LRRC4C: variants seen among roughly 807,000 people sequenced by gnomAD.
The protein encoded by LRRC4C is leucine rich repeat containing 4C, also known as leucine-rich repeat-containing protein 4C.
LRRC4C carries 5 observed loss-of-function variants against 33.6 expected under a neutral mutation model. That is an observed-to-expected ratio of 0.15 (90% CI 0.08 to 0.31). The LOEUF is 0.31. Ranked by LOEUF, LRRC4C falls within the 10% of genes least tolerant of loss-of-function variation. The probability of loss-of-function intolerance (pLI) is 1.00; values close to 1 mark genes in which losing one functional copy is unlikely to be tolerated. For missense variants in LRRC4C, 560 were observed against 796.7 expected (o/e 0.70, Z 3.58); for synonymous variants, 329 against 302.0 (o/e 1.09, Z -0.93).
chr11:40,831,107 A>C (rs1262042211), intron 2 of LRRC4C, among the ~76,000 whole-genome samples: 6 of 152,158 alleles, frequency 3.9e-5, no homozygotes, highest in African/African-American at 1.4e-4. Flanking sequence ...GAAGCAAAAG[A>C]GGGGCATAAT....
chr11:40,788,559 C>A (rs945832024), intron 2 of LRRC4C, among the ~76,000 whole-genome samples: 1 of 152,174 alleles, frequency 6.6e-6, no homozygotes, highest in African/African-American at 2.4e-5. Flanking sequence ...CTGTTTCTGG[C>A]AATTGAATAA....
intron 2 of LRRC4C, among the ~76,000 whole-genome samples, chr11:40,923,734 A>G (rs552312942): frequency 6.6e-6 from 1 of 152,178 alleles, no homozygotes; most frequent in South Asian, 2.1e-4. Flanking sequence ...TGTAATAGAA[A>G]AATCTGAGAA....
chr11:41,045,104 T>C (rs1175058287), intron 1 of LRRC4C, among the ~76,000 whole-genome samples: 1 of 152,150 alleles, frequency 6.6e-6, no homozygotes, highest in Non-Finnish European at 1.5e-5. Context: ...GGTTGCTGTT[T>C]ACTGGCCAGG....
intron 1 of LRRC4C, among the ~76,000 whole-genome samples, chr11:41,128,015 C>A (rs1942831296): frequency 6.6e-6 from 1 of 152,064 alleles, no homozygotes; most frequent in African/African-American, 2.4e-5. Flanking sequence ...CTCTTTAATT[C>A]TTCTATCAAA....
intron 1 of LRRC4C, among the ~76,000 whole-genome samples, chr11:41,341,502 T>C (rs1291247416): frequency 6.6e-6 from 1 of 152,152 alleles, no homozygotes; most frequent in Non-Finnish European, 1.5e-5. Context: ...ATAAGAACCA[T>C]GCCTGCTTTT....
intron 2 of LRRC4C, among the ~76,000 whole-genome samples, chr11:40,925,419 G>C (rs1957372730): frequency 6.6e-6 from 1 of 152,120 alleles, no homozygotes. Flanking sequence ...AGTGGTCCAG[G>C]GAGTATCTGC....
chr11:40,137,645 G>A (rs979734777), intron 6 of LRRC4C, among the ~76,000 whole-genome samples: 1 of 152,084 alleles, frequency 6.6e-6, no homozygotes, highest in Non-Finnish European at 1.5e-5. Context: ...TCCAAATTAA[G>A]AACAATGGAA....
intron 1 of LRRC4C, among the ~76,000 whole-genome samples, chr11:41,000,894 T>C (rs1292139983): frequency 6.6e-6 from 1 of 152,166 alleles, no homozygotes; most frequent in East Asian, 1.9e-4. Context: ...TATTTTGGAA[T>C]TTTGAAAAAA....
intron 1 of LRRC4C, among the ~76,000 whole-genome samples, chr11:41,362,753 C>T (rs568232413): frequency 6.6e-6 from 1 of 152,128 alleles, no homozygotes; most frequent in South Asian, 2.1e-4. Context: ...AAGTCAGTGT[C>T]CTTGTTTTAT....
At chr11:40,487,140 A>G (rs1218290762) in intron 3 of LRRC4C, among the ~76,000 whole-genome samples, 1 of 152,098 alleles carries the variant, frequency 6.6e-6, no homozygotes, top group Non-Finnish European at 1.5e-5. Flanking sequence ...GTGAACTGAC[A>G]TGCGAAGTTG....
At chr11:41,455,789 T>A (rs189997076) in intron 1 of LRRC4C, among the ~76,000 whole-genome samples, 96 of 152,276 alleles carry the variant, frequency 6.3e-4, no homozygotes, top group African/African-American at 2.3e-3. Flanking sequence ...TTCCAAATTA[T>A]ATAGGAAGAA....
At chr11:40,779,985 A>C (rs1459074999) in intron 2 of LRRC4C, among the ~76,000 whole-genome samples, 1 of 152,194 alleles carries the variant, frequency 6.6e-6, no homozygotes, top group Admixed American at 6.5e-5. Context: ...TATAGGCCTA[A>C]AAATTGGACA....
At chr11:40,773,812 GT>G (rs138888228) in intron 2 of LRRC4C, among the ~76,000 whole-genome samples, 1 of 151,624 alleles carries the variant, frequency 6.6e-6, no homozygotes, top group Non-Finnish European at 1.5e-5. Context: ...TGTACTACAG[GT>G]TTTTTCAATT....
chr11:40,202,213 CAAAAAAA>C (rs35644436), intron 5 of LRRC4C, among the ~76,000 whole-genome samples: 2 of 65,014 alleles, frequency 3.1e-5, no homozygotes, highest in East Asian at 9.0e-4. Context: ...GTGTGATTAC[CAAAAAAA>C]AAAAAAAAAA....
intron 3 of LRRC4C, among the ~76,000 whole-genome samples, chr11:40,331,658 A>T (rs1009909919): frequency 2.6e-5 from 4 of 152,154 alleles, no homozygotes; most frequent in African/African-American, 9.7e-5. Context: ...ATATAACCAC[A>T]AGGTGGAGGA....
At chr11:40,191,538 T>C (rs1409228334) in intron 5 of LRRC4C, among the ~76,000 whole-genome samples, 1 of 152,198 alleles carries the variant, frequency 6.6e-6, no homozygotes, top group African/African-American at 2.4e-5. Flanking sequence ...GTGACTTGGA[T>C]GCAGCCAAAA....
At chr11:40,321,141 C>T (rs1163868501) in intron 3 of LRRC4C, among the ~76,000 whole-genome samples, 1 of 152,068 alleles carries the variant, frequency 6.6e-6, no homozygotes, top group Admixed American at 6.6e-5. Context: ...GGGGAAACCA[C>T]CAACAATATG....
chr11:40,263,635 G>A (rs952724588), intron 4 of LRRC4C, among the ~76,000 whole-genome samples: 7 of 152,114 alleles, frequency 4.6e-5, no homozygotes, highest in African/African-American at 9.7e-5. Context: ...GACAACAGGC[G>A]CATGCCACAG....
chr11:40,570,982 TG>T (rs1484619470), intron 3 of LRRC4C, among the ~76,000 whole-genome samples: 56 of 152,306 alleles, frequency 3.7e-4, no homozygotes, highest in African/African-American at 1.2e-3. Context: ...TTTTGTTTAA[TG>T]TTTTTTTACT....
Sources: gnomAD v4.1 joint callset for allele counts (sites outside exome capture counted in the v4.1 genomes callset) on GRCh38, gnomAD v4.1.1 for gene constraint, MANE v1.5 for transcripts, NCBI Gene and HGNC (gene_info 2026-07-23, HGNC 2026-07-21) for gene names.